CSGALNACT1: variants seen among roughly 807,000 people sequenced by gnomAD.
CSGALNACT1 encodes beta4GalNAcT-1.
CSGALNACT1 carries 52 observed loss-of-function variants against 51.0 expected under a neutral mutation model. The observed-to-expected ratio is 1.02, with a 90% CI of 0.82 to 1.29. The LOEUF is 1.29. Among genes scored for constraint, CSGALNACT1 ranks in the 50% most tolerant of loss-of-function variants. CSGALNACT1 has a pLI of 0.00. For synonymous variants in CSGALNACT1, 341 were observed against 254.4 expected (o/e 1.34, Z -3.24); for missense variants, 935 against 679.2 (o/e 1.38, Z -4.19).
intron 2 of CSGALNACT1, among the ~76,000 whole-genome samples, chr8:19,596,051 G>A (rs551738906): frequency 6.6e-6 from 1 of 151,870 alleles, no homozygotes; most frequent in Non-Finnish European, 1.5e-5. Flanking sequence ...TATTTTTATA[G>A]AGACAGGGGT....
At chr8:19,604,660 C>A (rs1305680228), upstream of CSGALNACT1, among the ~76,000 whole-genome samples, 5 of 151,106 alleles carry the variant, frequency 3.3e-5, no homozygotes, top group East Asian at 3.9e-4. Context: ...GTAATCCCAG[C>A]ACTTTGGGAG....
At chr8:19,577,250 A>G (rs1213236593) in intron 3 of CSGALNACT1, among the ~76,000 whole-genome samples, 1 of 152,048 alleles carries the variant, frequency 6.6e-6, no homozygotes, top group East Asian at 1.9e-4. Context: ...GCTGGGGATG[A>G]GTCGTGTGGC....
intron 1 of CSGALNACT1, among the ~76,000 whole-genome samples, chr8:19,643,457 T>G (rs978236467): frequency 6.6e-6 from 1 of 152,054 alleles, no homozygotes; most frequent in Non-Finnish European, 1.5e-5. Flanking sequence ...GCCAACATGG[T>G]GAAACCCTGT....
chr8:19,752,099 CATT>C (rs1054204021), intron 1 of CSGALNACT1, among the ~76,000 whole-genome samples: 17 of 88,328 alleles, frequency 1.9e-4, no homozygotes, highest in Admixed American at 3.4e-4. Flanking sequence ...AAATGATATA[CATT>C]ATTATATTAT....
At chr8:19,435,146 T>C (rs2060186958) in intron 6 of CSGALNACT1, among the ~76,000 whole-genome samples, 1 of 152,186 alleles carries the variant, frequency 6.6e-6, no homozygotes, top group Non-Finnish European at 1.5e-5. Context: ...ACTTGTAATG[T>C]AGTAAATGTC....
intron 1 of CSGALNACT1, among the ~76,000 whole-genome samples, chr8:19,713,463 C>T (rs1397606368): frequency 6.6e-6 from 1 of 152,166 alleles, no homozygotes; most frequent in Admixed American, 6.5e-5. Context: ...GAAGTCCTCA[C>T]CCACAGTAGC....
intron 4 of CSGALNACT1, among the ~76,000 whole-genome samples, chr8:19,477,195 A>C (rs1208128675): frequency 6.6e-6 from 1 of 152,190 alleles, no homozygotes; most frequent in Non-Finnish European, 1.5e-5. Context: ...CTGCACTTTC[A>C]GTGTTAGCAA....
At chr8:19,622,784 G>GAA (rs935237891) in intron 1 of CSGALNACT1, among the ~76,000 whole-genome samples, 1 of 151,988 alleles carries the variant, frequency 6.6e-6, no homozygotes, top group African/African-American at 2.4e-5. Flanking sequence ...ATACTTAACT[G>GAA]AAAATAAGGC....
rs531580949 is a variant in CSGALNACT1 at position 19,479,575 on chromosome 8, G to A, written c.635-20933C>T. On this transcript the variant is annotated intron_variant, in intron 4 of 9. Transcript: ENST00000454498. ...TTATGTTTTAACTACAGTATTGAAG[G>A]CTTGGGGGAATTGTGATGCCACATG... Among the ~76,000 whole-genome samples, 71 of 152,062 alleles carry A rather than the reference G, an allele frequency of 4.7e-4. No homozygotes were observed. In the South Asian group the frequency reaches 9.4e-3, roughly 20 times the overall value.
intron 3 of CSGALNACT1, among the ~76,000 whole-genome samples, chr8:19,507,395 G>A (rs2077536367): frequency 6.6e-6 from 1 of 151,852 alleles, no homozygotes; most frequent in South Asian, 2.1e-4. Flanking sequence ...CAGTCTGCCT[G>A]CCTTCTCCAT....
chr8:19,754,956 A>G (rs566343990), intron 1 of CSGALNACT1, among the ~76,000 whole-genome samples: 7 of 152,338 alleles, frequency 4.6e-5, no homozygotes, highest in African/African-American at 4.8e-5. Flanking sequence ...AATATATAGT[A>G]GGGCTAACAT....
chr8:19,590,762 G>C (rs902661412), intron 3 of CSGALNACT1, among the ~76,000 whole-genome samples: 3 of 146,030 alleles, frequency 2.1e-5, no homozygotes, highest in Non-Finnish European at 3.0e-5. Flanking sequence ...CAATTCTCCT[G>C]CTTCAGCCTC....
At chr8:19,481,076 C>T (rs2071251276) in intron 4 of CSGALNACT1, among the ~76,000 whole-genome samples, 2 of 152,136 alleles carry the variant, frequency 1.3e-5, no homozygotes, top group Admixed American at 1.3e-4. Flanking sequence ...AAGTCTTTTT[C>T]CAAGTTTTAA....
Position 19,582,014 on chromosome 8 carries a change from C to T in CSGALNACT1, c.-297+9146G>A, listed in dbSNP as rs553434801. On this transcript the variant is annotated intron_variant, in intron 3 of 9. Coordinates refer to ENST00000454498, the Ensembl canonical transcript of CSGALNACT1. ...AAAGATGATCACCTACCAGCCCAGG[C>T]TGTATCTGAGCTATCTCTGTTACCC... is the stretch of plus-strand genomic sequence containing the variant. 7.9e-5 allele frequency among the ~76,000 whole-genome samples: 12 copies of T among 152,324 alleles called. No individual in the cohort carries two copies. In the East Asian group the frequency reaches 2.3e-3, roughly 29 times the overall value.
At chr8:19,693,148 C>A (rs2061415423) in intron 1 of CSGALNACT1, among the ~76,000 whole-genome samples, 1 of 152,142 alleles carries the variant, frequency 6.6e-6, no homozygotes, top group African/African-American at 2.4e-5. Context: ...GGCTTATTTG[C>A]CAACTGGCTC....
At chr8:19,556,613 A>G (rs1003931925) in intron 3 of CSGALNACT1, among the ~76,000 whole-genome samples, 2 of 152,176 alleles carry the variant, frequency 1.3e-5, no homozygotes, top group Non-Finnish European at 2.9e-5. Flanking sequence ...GCACAATCAG[A>G]ACACAGCATT....
At chr8:19,433,515 G>A (rs1000943993) in intron 6 of CSGALNACT1, among the ~76,000 whole-genome samples, 4 of 152,082 alleles carry the variant, frequency 2.6e-5, no homozygotes, top group East Asian at 1.9e-4. Context: ...CCACTGCCTC[G>A]GGCAGCCACA....
intron 1 of CSGALNACT1, among the ~76,000 whole-genome samples, chr8:19,680,001 T>C (rs946916909): frequency 2.0e-5 from 3 of 152,152 alleles, no homozygotes; most frequent in African/African-American, 7.2e-5. Flanking sequence ...AGTAGCAAAA[T>C]TCTAAAAATA....
intron 1 of CSGALNACT1, among the ~76,000 whole-genome samples, chr8:19,727,236 A>G (rs1437006578): frequency 2.6e-5 from 4 of 152,198 alleles, no homozygotes; most frequent in Admixed American, 6.5e-5. Context: ...AAAAATGTCC[A>G]GTGGAATTAG....
Sources: allele counts gnomAD v4.1 joint callset (sites outside exome capture counted in the v4.1 genomes callset), GRCh38; gene constraint gnomAD v4.1.1; transcripts MANE v1.5; gene names NCBI Gene and HGNC (gene_info 2026-07-23, HGNC 2026-07-21).